The following VPS8 variants were observed in gnomAD, a reference collection of about 807,000 sequenced individuals.
VPS8 encodes vacuolar protein sorting-associated protein 8 homolog.
A neutral mutation model predicts 216.4 loss-of-function variants in VPS8; 129 were observed. That is an observed-to-expected ratio of 0.60 (90% confidence interval 0.52 to 0.69). The LOEUF (loss-of-function observed/expected upper bound fraction) is 0.69, where lower values mean the gene tolerates loss of function less well. Ranked by LOEUF, VPS8 falls within the 30% of genes least tolerant of loss-of-function variation. The pLI, the probability that VPS8 is intolerant of heterozygous loss-of-function variation, is 0.00. For missense variants in VPS8, 1,531 were observed against 1,683.5 expected, an observed-to-expected ratio of 0.91 and a Z score of 1.59; for synonymous variants, 571 against 565.4, an observed-to-expected ratio of 1.01 and a Z score of -0.14.
intron 3 of VPS8, 143 bp downstream of exon 3, chr3:184,826,374 TAA>T (rs1045906551): frequency 9.7e-6 from 5 of 516,966 alleles, no homozygotes; most frequent in African/African-American, 5.9e-5. Context: ...AAATTTAAAT[TAA>T]TTATAATCAA....
At chr3:184,935,760 A>G (rs927704849) in intron 34 of VPS8, among the ~76,000 whole-genome samples, 1 of 152,228 alleles carries the variant, frequency 6.6e-6, no homozygotes, top group African/African-American at 2.4e-5. Context: ...TTTTACTCTC[A>G]TATAAAATTT....
intron 40 of VPS8, among the ~76,000 whole-genome samples, chr3:184,979,208 T>G (rs1749791859): frequency 6.6e-6 from 1 of 152,176 alleles, no homozygotes. Flanking sequence ...TGAGTATTGT[T>G]TTATAGCCAG....
At chr3:184,884,853 T>C (rs1418071020) in intron 21 of VPS8, among the ~76,000 whole-genome samples, 1 of 152,214 alleles carries the variant, frequency 6.6e-6, no homozygotes, top group Non-Finnish European at 1.5e-5. Flanking sequence ...GACCTGGGTA[T>C]TGCCCTTACT....
chr3:185,028,479 G>A (rs1271720143), intron 46 of VPS8, among the ~76,000 whole-genome samples: 2 of 152,172 alleles, frequency 1.3e-5, no homozygotes, highest in African/African-American at 2.4e-5. Flanking sequence ...ACCACAAAGA[G>A]CCCCAGTCTG....
At chr3:184,990,071 C>CA (rs939788096) in intron 42 of VPS8, among the ~76,000 whole-genome samples, 7 of 149,192 alleles carry the variant, frequency 4.7e-5, no homozygotes, top group East Asian at 2.0e-4. Context: ...AGACTGTCTA[C>CA]AAAAAAAAAG....
At chr3:184,872,489 T>C (rs1208281409) in intron 21 of VPS8, among the ~76,000 whole-genome samples, 3 of 152,170 alleles carry the variant, frequency 2.0e-5, no homozygotes, top group Non-Finnish European at 2.9e-5. Flanking sequence ...AGAGATGCAT[T>C]ACTACTAACA....
intron 5 of VPS8, among the ~76,000 whole-genome samples, chr3:184,837,258 A>AG (rs11425540): frequency 0.023 from 3,556 of 152,234 alleles, 128 homozygotes; most frequent in African/African-American, 0.081. Flanking sequence ...TCCATTATTC[A>AG]GGTTCTATTT....
chr3:184,989,282 C>T (rs542638781), intron 42 of VPS8, among the ~76,000 whole-genome samples: 2 of 152,288 alleles, frequency 1.3e-5, no homozygotes, highest in East Asian at 3.9e-4. Flanking sequence ...GGAAGTGTCC[C>T]TTCCTTCCTT....
Position 184,904,995 on chromosome 3 carries a change from A to T in VPS8, c.2146+4023A>T, listed in dbSNP as rs77179110. On this transcript the variant is annotated intron_variant, in intron 25 of 47. Transcript: ENST00000625842. The stretch of plus-strand genomic sequence containing the variant: ...TCAAGGTGCTGGCACCTAGTGTCTC[A>T]TGAAGGCCTTCTTGCTGTGTCCTCA... 6.4e-4 allele frequency among the ~76,000 whole-genome samples: 97 copies of T among 152,368 alleles called. 1 individual carries two copies. In the East Asian group the frequency reaches 0.018, roughly 28 times the overall value.
At chr3:184,904,331 A>G (rs985747002) in intron 25 of VPS8, among the ~76,000 whole-genome samples, 7 of 152,216 alleles carry the variant, frequency 4.6e-5, no homozygotes, top group Non-Finnish European at 1.0e-4. Context: ...TCAATATTTC[A>G]TCATTAAATT....
At chr3:184,959,311 C>T (rs974049473) in intron 37 of VPS8, among the ~76,000 whole-genome samples, 1 of 152,090 alleles carries the variant, frequency 6.6e-6, no homozygotes, top group African/African-American at 2.4e-5. Flanking sequence ...AATGACATCC[C>T]AGTCAAAGCC....
rs1220881148 is a variant in VPS8, at chr3:184,930,585, C to T, written c.2898+17C>T. The T allele has an allele frequency of 6.4e-7, 1 of 1,560,338 alleles. No individual in the cohort carries two copies. The highest frequency in any genetic ancestry group is 8.8e-7 in the Non-Finnish European group (1 of 1,131,524). On this transcript the variant is annotated intron_variant, in intron 34 of 47. Coordinates refer to ENST00000625842, the MANE Select transcript of VPS8 (RefSeq NM_001009921.3). Reference sequence around the variant, plus strand: ...CATATTGAGGTACTGATGCGCAAAACTTCACACTTCACCATCTGAACGATC... The same window carrying T: ...CATATTGAGGTACTGATGCGCAAAATTTCACACTTCACCATCTGAACGATC...
chr3:185,017,327 T>C (rs1320788805), intron 45 of VPS8, among the ~76,000 whole-genome samples: 1 of 152,196 alleles, frequency 6.6e-6, no homozygotes, highest in Non-Finnish European at 1.5e-5. Context: ...CTCCTGTATC[T>C]ACCAAACCCT....
chr3:185,004,301 A>T (rs6809279), intron 45 of VPS8, among the ~76,000 whole-genome samples: 2,596 of 152,242 alleles, frequency 0.017, 77 homozygotes, highest in African/African-American at 0.06. Context: ...AACACAGCAA[A>T]ACCCCGTCTC....
At chr3:184,851,949 TAACTG>T (rs930516790) in intron 10 of VPS8, among the ~76,000 whole-genome samples, 13 of 152,342 alleles carry the variant, frequency 8.5e-5, no homozygotes, top group Admixed American at 4.6e-4. Flanking sequence ...TAGGTAGTGA[TAACTG>T]AAGTATATGC....
At chr3:184,932,931 A>G (rs555267667) in intron 34 of VPS8, among the ~76,000 whole-genome samples, 1 of 152,312 alleles carries the variant, frequency 6.6e-6, no homozygotes, top group African/African-American at 2.4e-5. Flanking sequence ...GTATATGTGC[A>G]TCTTGAGCAT....
chr3:184,840,441 C>T (rs1313146791), intron 7 of VPS8: 1 of 152,056 alleles, frequency 6.6e-6, no homozygotes, highest in Non-Finnish European at 1.5e-5. Context: ...TGGCTCACGC[C>T]TGTAATCCTA....
intron 8 of VPS8, among the ~76,000 whole-genome samples, chr3:184,848,161 C>T (rs939408013): frequency 1.3e-5 from 2 of 152,174 alleles, no homozygotes; most frequent in Admixed American, 1.3e-4. Context: ...ACCTTCCCTT[C>T]CTCAGCCTCC....
At chr3:184,916,374 C>T (rs780292436) in intron 28 of VPS8, among the ~76,000 whole-genome samples, 11 of 151,528 alleles carry the variant, frequency 7.3e-5, no homozygotes, top group Non-Finnish European at 1.2e-4. Flanking sequence ...AGCAGGCACA[C>T]GAATATGCAA....
Sources: allele counts gnomAD v4.1 joint callset (sites outside exome capture counted in the v4.1 genomes callset), GRCh38; gene constraint gnomAD v4.1.1; transcripts MANE v1.5; gene names NCBI Gene and HGNC (gene_info 2026-07-23, HGNC 2026-07-21).